Variants in ZNF652 observed in about 807,000 individuals in gnomAD.
ZNF652 encodes zinc finger protein 652.
Under a neutral mutation model 45.2 loss-of-function variants are expected in ZNF652, and 16 were observed. The observed-to-expected ratio is 0.35, with a 90% CI of 0.24 to 0.54. The LOEUF (loss-of-function observed/expected upper bound fraction) is 0.54, where lower values mean the gene tolerates loss of function less well. ZNF652 is among the 20% of genes least tolerant of loss of function. ZNF652 has a pLI of 0.91. For missense variants in ZNF652, 614 were observed against 765.6 expected (o/e 0.80, Z 2.34); for synonymous variants, 250 against 260.6 (o/e 0.96, Z 0.39).
chr17:49,341,489 CAAAAAAAAAA>C (rs754847307), intron 1 of ZNF652, among the ~76,000 whole-genome samples: 833 of 82,188 alleles, frequency 0.01, 15 homozygotes, highest in African/African-American at 0.035. Context: ...CTCATCTCTA[CAAAAAAAAAA>C]AAAAAAAAAA....
At chr17:49,312,159 C>CTTTTTTTTTTTTTT (rs34553823) in intron 3 of ZNF652, 117 bp from the exon 4 acceptor site, 2 of 133,728 alleles carry the variant, frequency 1.5e-5, no homozygotes, top group Non-Finnish European at 2.7e-5. Context: ...ATTTGTGAGG[C>CTTTTTTTTTTTTTT]TTTTTTTTTT....
chr17:49,323,263 CAGG>C (rs1388326433), intron 1 of ZNF652, among the ~76,000 whole-genome samples: 2 of 152,194 alleles, frequency 1.3e-5, no homozygotes, highest in South Asian at 2.1e-4. Flanking sequence ...ACATCTCCAC[CAGG>C]AGTAGATTCC....
chr17:49,348,967 G>C (rs4794046), intron 1 of ZNF652, among the ~76,000 whole-genome samples: 118,801 of 152,052 alleles, frequency 0.78, 46,605 homozygotes, highest in African/African-American at 0.85. Context: ...GAATGAAAAA[G>C]AAAACAAAAC....
At chr17:49,306,894 A>T (rs2069636791) in intron 5 of ZNF652, among the ~76,000 whole-genome samples, 1 of 151,998 alleles carries the variant, frequency 6.6e-6, no homozygotes, top group Non-Finnish European at 1.5e-5. Context: ...CTGGGATTAC[A>T]GGCATGCGCC....
At chr17:49,356,542 T>C (rs990863546) in intron 1 of ZNF652, among the ~76,000 whole-genome samples, 5 of 151,764 alleles carry the variant, frequency 3.3e-5, no homozygotes, top group Middle Eastern at 6.3e-3. Flanking sequence ...TCACCTAAAT[T>C]TTGTTTGTTT....
chr17:49,353,623 C>T (rs1449594564), intron 1 of ZNF652, among the ~76,000 whole-genome samples: 1 of 151,982 alleles, frequency 6.6e-6, no homozygotes, highest in East Asian at 1.9e-4. Context: ...AGTGCCCATA[C>T]CAACCCAATT....
intron 2 of ZNF652, among the ~76,000 whole-genome samples, chr17:49,316,599 C>A (rs577614139): frequency 6.6e-6 from 1 of 152,292 alleles, no homozygotes; most frequent in South Asian, 2.1e-4. Context: ...TATAACAGAT[C>A]CCCCTTCCAG....
rs1200950345 is a variant in ZNF652 at position 49,294,805 on chromosome 17, G to T, written c.*3608C>A. On this transcript the variant is annotated 3_prime_UTR_variant, in exon 6 of 6. Coordinates refer to ENST00000430262, the MANE Select transcript of ZNF652 (RefSeq NM_001145365.3). The stretch of plus-strand genomic sequence containing the variant: ...TTTGTTATCTATATAATGCTTAAAT[G>T]CAGCCTTTGTTGTCTTTAACAGACA... The T allele has an allele frequency of 6.6e-6, 1 of 152,172 alleles. No individual in the cohort carries two copies. The highest frequency in any genetic ancestry group is 2.4e-5 in the African/African-American group (1 of 41,434). 9.4% of individuals were successfully genotyped at this position (152,172 alleles called of 1,614,324 possible).
chr17:49,331,970 A>AAAAAT (rs1373005601), intron 1 of ZNF652, among the ~76,000 whole-genome samples: 1 of 148,758 alleles, frequency 6.7e-6, no homozygotes, highest in Admixed American at 6.7e-5. Flanking sequence ...CTTCGTCTCA[A>AAAAAT]AAAATAAAAT....
At chr17:49,344,662 A>G (rs2070185952) in intron 1 of ZNF652, among the ~76,000 whole-genome samples, 2 of 151,756 alleles carry the variant, frequency 1.3e-5, no homozygotes, top group African/African-American at 2.4e-5. Context: ...CTGGGACTAC[A>G]GGCGCACGCC....
intron 1 of ZNF652, among the ~76,000 whole-genome samples, chr17:49,318,364 C>A (rs1482591006): frequency 6.6e-6 from 1 of 152,210 alleles, no homozygotes; most frequent in Admixed American, 6.5e-5. Flanking sequence ...GCATGAGCCA[C>A]CACGCCTGGC....
At chr17:49,342,808 A>G (rs2143034179) in intron 1 of ZNF652, among the ~76,000 whole-genome samples, 1 of 152,286 alleles carries the variant, frequency 6.6e-6, no homozygotes, top group African/African-American at 2.4e-5. Flanking sequence ...CACTGGCACA[A>G]CAACTGGTCA....
chr17:49,303,245 A>ATTTTTTTTTTTT (rs1567914289), intron 5 of ZNF652, among the ~76,000 whole-genome samples: 6 of 65,900 alleles, frequency 9.1e-5, no homozygotes, highest in Admixed American at 3.7e-4. Flanking sequence ...CTTTACGCTT[A>ATTTTTTTTTTTT]TCTTTTTTTT....
At chr17:49,341,489 CAAA>C (rs754847307) in intron 1 of ZNF652, among the ~76,000 whole-genome samples, 1 of 82,182 alleles carries the variant, frequency 1.2e-5, no homozygotes, top group African/African-American at 4.7e-5. Context: ...CTCATCTCTA[CAAA>C]AAAAAAAAAA....
chr17:49,309,329 TAAAAAAAAAAAAA>T (rs11307814), intron 5 of ZNF652, among the ~76,000 whole-genome samples: 4 of 66,312 alleles, frequency 6.0e-5, no homozygotes, highest in Non-Finnish European at 2.8e-5. Context: ...CTGTCTCTAC[TAAAAAAAAAAAAA>T]AAAAAAAAAA....
intron 1 of ZNF652, among the ~76,000 whole-genome samples, chr17:49,353,602 G>GT (rs34548833): frequency 2.6e-5 from 4 of 151,956 alleles, no homozygotes; most frequent in African/African-American, 7.3e-5. Flanking sequence ...ATAGGGCAGT[G>GT]TTTTTTTCAA....
At chr17:49,332,979 A>G (rs2070040187) in intron 1 of ZNF652, among the ~76,000 whole-genome samples, 1 of 152,152 alleles carries the variant, frequency 6.6e-6, no homozygotes, top group Non-Finnish European at 1.5e-5. Context: ...TTGAGGCTAC[A>G]GTGAGTTATA....
Position 49,317,881 on chromosome 17 carries a change from C to T in ZNF652, c.-156G>A. On this transcript the variant is annotated 5_prime_UTR_variant, in exon 2 of 6. Transcript: ENST00000430262. ...ACTGTGTGCAATTCTTCCAGTGTTG[C>T]AGCACCAAAGCATGAGTCAAAAAGG... is the stretch of plus-strand genomic sequence containing the variant. 1 of 835,602 alleles carries T rather than the reference C, an allele frequency of 1.2e-6. No homozygotes were observed. Among genetic ancestry groups the T allele is most frequent in the Non-Finnish European group, 1.8e-6 (1 of 571,190 alleles). The allele number at this position is 835,602 out of a possible 1,614,324, so 51.8% of individuals were successfully genotyped here. A position where few individuals can be genotyped will look rare whatever the true frequency, so the allele number is the denominator to read the frequency against.
Position 49,296,897 on chromosome 17 carries a change from C to G in ZNF652, c.*1516G>C, listed in dbSNP as rs529634742. On this transcript the variant is annotated 3_prime_UTR_variant, in exon 6 of 6. Transcript: ENST00000430262. ...CACTAGCCCTTCTGTTCAGCCTTTC[C>G]TATAATAAGCTCCTGGTTGATTATG... is the stretch of plus-strand genomic sequence containing the variant. 1.0e-3 allele frequency: 154 copies of G among 152,232 alleles called. No homozygotes were observed. Among genetic ancestry groups the G allele is most frequent in the African/African-American group, 3.7e-3 (153 of 41,522 alleles). The allele number at this position is 152,232 out of a possible 1,614,324, so 9.4% of individuals were successfully genotyped here.
Sources: gnomAD v4.1 joint callset for allele counts (sites outside exome capture counted in the v4.1 genomes callset) on GRCh38, gnomAD v4.1.1 for gene constraint, MANE v1.5 for transcripts, NCBI Gene and HGNC (gene_info 2026-07-23, HGNC 2026-07-21) for gene names.